ZNF75D: variants seen among roughly 807,000 people sequenced by gnomAD.
ZNF75D encodes the protein zinc finger protein 75D, also known as zinc finger protein 75.
In ZNF75D, 33 loss-of-function variants were observed where a neutral mutation model predicts 33.3. That is an observed-to-expected ratio of 0.99 (90% CI 0.75 to 1.32). The LOEUF is 1.32. ZNF75D is among the 40% of genes most tolerant of loss of function. The pLI is 0.00. For synonymous variants in ZNF75D, 113 were observed against 130.6 expected, an observed-to-expected ratio of 0.87 and a Z score of 0.92; for missense variants, 338 against 367.5, an observed-to-expected ratio of 0.92 and a Z score of 0.66.
At chrX:135,307,820 T>A (rs1354066226) in intron 1 of ZNF75D, among the ~76,000 whole-genome samples, 2 of 111,985 alleles carry the variant, frequency 1.8e-5, no homozygotes, top group Non-Finnish European at 3.8e-5. Context: ...AATTGCAGAG[T>A]CATGACCAAA....
chrX:135,327,397 C>T (rs1184249392), intron 1 of ZNF75D, among the ~76,000 whole-genome samples: 1 of 112,299 alleles, frequency 8.9e-6, no homozygotes, highest in Non-Finnish European at 1.9e-5. Flanking sequence ...CTTTCTCCTA[C>T]ATTGTTTCTC....
At chrX:135,309,612 A>C (rs192387310) in intron 1 of ZNF75D, 32 of 295,607 alleles carry the variant, frequency 1.1e-4, no homozygotes, top group African/African-American at 8.5e-4. Flanking sequence ...ACTGGGCAGG[A>C]ACAGAAGTGA....
At chrX:135,264,668 C>A (rs1230374408) in intron 1 of ZNF75D, among the ~76,000 whole-genome samples, 1 of 111,254 alleles carries the variant, frequency 9.0e-6, no homozygotes, top group East Asian at 2.8e-4. Flanking sequence ...AGAATTCTAG[C>A]AGATAAATTT....
At chrX:135,332,593 T>C (rs1556440884) in intron 1 of ZNF75D, among the ~76,000 whole-genome samples, 1 of 112,098 alleles carries the variant, frequency 8.9e-6, no homozygotes, top group African/African-American at 3.2e-5. Context: ...ATAGACTTTC[T>C]TTTTATTATG....
chrX:135,271,195 C>A (rs782318991), intron 1 of ZNF75D, among the ~76,000 whole-genome samples: 2 of 111,777 alleles, frequency 1.8e-5, no homozygotes, highest in Non-Finnish European at 3.8e-5. Flanking sequence ...ATTTCACAGA[C>A]CTGAGCTCAT....
intron 1 of ZNF75D, among the ~76,000 whole-genome samples, chrX:135,257,303 C>T (rs1390668591): frequency 2.7e-5 from 3 of 111,462 alleles, no homozygotes; most frequent in Non-Finnish European, 3.8e-5. Flanking sequence ...GCAGAGTGAG[C>T]CCCAGGCCTG....
chrX:135,341,731 G>A (rs2084787853), intron 1 of ZNF75D, 37 bp downstream of exon 1: 1 of 112,230 alleles, frequency 8.9e-6, no homozygotes, highest in South Asian at 3.7e-4. Context: ...AATACCATCA[G>A]TGACTTCAAA....
intron 1 of ZNF75D, among the ~76,000 whole-genome samples, chrX:135,313,826 CAT>C (rs1556429960): frequency 8.9e-6 from 1 of 111,889 alleles, no homozygotes; most frequent in Non-Finnish European, 1.9e-5. Context: ...TACTGATTTT[CAT>C]ATGTTGATTT....
intron 1 of ZNF75D, among the ~76,000 whole-genome samples, chrX:135,306,416 A>AT (rs1481316677): frequency 1.8e-5 from 2 of 111,934 alleles, no homozygotes; most frequent in Non-Finnish European, 3.8e-5. Flanking sequence ...ATATGCATAA[A>AT]TGTATTTCTA....
rs2084732015 is a variant in ZNF75D, at chrX:135,337,737, T to G, written c.-391+4031A>C. 4.5e-5 allele frequency among the ~76,000 whole-genome samples: 5 copies of G among 110,843 alleles called. No homozygotes were observed. The Admixed American group carries it at 4.8e-4, about 11-fold the overall frequency. ...TCTCCAAGCAGTCGTCAAATGCTTC[T>G]GAGAGGTGAGATGTGAAGGAAAACT... On this transcript the variant is annotated intron_variant, in intron 1 of 6. Coordinates refer to ENST00000370766, the MANE Select transcript of ZNF75D (RefSeq NM_007131.5).
intron 1 of ZNF75D, among the ~76,000 whole-genome samples, chrX:135,272,932 C>A (rs141141549): frequency 2.7e-5 from 3 of 111,509 alleles, no homozygotes; most frequent in Non-Finnish European, 5.7e-5. Context: ...GGCTCTTGAG[C>A]CCCTATCCTC....
At chrX:135,316,284 A>G (rs1249898555) in intron 1 of ZNF75D, among the ~76,000 whole-genome samples, 2 of 111,995 alleles carry the variant, frequency 1.8e-5, no homozygotes, top group Non-Finnish European at 3.8e-5. Context: ...TTTGCCAAAA[A>G]TGGTATCCTT....
chrX:135,299,590 T>C lies in ZNF75D; in HGVS notation c.-390-3551A>G, dbSNP rs1034086811. On this transcript the variant is annotated intron_variant, in intron 1 of 6. Coordinates refer to ENST00000370766, the MANE Select transcript of ZNF75D (RefSeq NM_007131.5). ...GTGGATTAACTTTCAACATTCTTGA[T>C]GGTGTCCTCTGCTGCACAAAAGATT... Among the ~76,000 whole-genome samples the C allele has an allele frequency of 5.3e-5, 6 of 112,406 alleles. No homozygotes were observed. In the South Asian group the frequency reaches 1.1e-3, roughly 20 times the overall value.
At chrX:135,318,965 A>G (rs1452941869) in intron 1 of ZNF75D, among the ~76,000 whole-genome samples, 2 of 112,188 alleles carry the variant, frequency 1.8e-5, no homozygotes, top group Non-Finnish European at 3.8e-5. Context: ...GGCAGTAGTC[A>G]CAGACTGGTC....
At chrX:135,269,211 A>C (rs2083873532) in intron 1 of ZNF75D, among the ~76,000 whole-genome samples, 1 of 112,257 alleles carries the variant, frequency 8.9e-6, no homozygotes, top group South Asian at 3.6e-4. Context: ...TTGAGTAACA[A>C]CCCACAAGCA....
intron 1 of ZNF75D, among the ~76,000 whole-genome samples, chrX:135,256,836 C>A (rs1440131662): frequency 8.9e-6 from 1 of 112,034 alleles, no homozygotes; most frequent in Non-Finnish European, 1.9e-5. Context: ...ATCTTTGATA[C>A]CAGCTGAATC....
intron 1 of ZNF75D, among the ~76,000 whole-genome samples, chrX:135,338,936 A>G (rs1205158151): frequency 1.2e-5 from 1 of 83,461 alleles, no homozygotes; most frequent in Non-Finnish European, 2.2e-5. Flanking sequence ...CCCTCCTGCT[A>G]TTCTTCCTCC....
At chrX:135,267,678 C>A (rs1390906955) in intron 1 of ZNF75D, among the ~76,000 whole-genome samples, 3 of 110,368 alleles carry the variant, frequency 2.7e-5, no homozygotes, top group Non-Finnish European at 5.7e-5. Flanking sequence ...TGAATTCTAT[C>A]AAACATTTAA....
intron 1 of ZNF75D, among the ~76,000 whole-genome samples, chrX:135,280,163 C>T (rs782063688): frequency 9.0e-6 from 1 of 111,451 alleles, no homozygotes; most frequent in Admixed American, 9.5e-5. Flanking sequence ...GAATCTGGGT[C>T]CTCCTGTATT....
Sources: gnomAD v4.1 joint callset for allele counts (sites outside exome capture counted in the v4.1 genomes callset) on GRCh38, gnomAD v4.1.1 for gene constraint, MANE v1.5 for transcripts, NCBI Gene and HGNC (gene_info 2026-07-23, HGNC 2026-07-21) for gene names.